SCAF1: variants seen among roughly 807,000 people sequenced by gnomAD.
The protein encoded by SCAF1 is SR-related CTD associated factor 1.
SCAF1 carries 28 observed loss-of-function variants against 91.2 expected under a neutral mutation model. The ratio of observed to expected loss-of-function variants is 0.31; its 90% CI spans 0.23 to 0.42. The LOEUF (loss-of-function observed/expected upper bound fraction) is 0.42, where lower values mean the gene tolerates loss of function less well. Ranked by LOEUF, SCAF1 falls within the 10% of genes least tolerant of loss-of-function variation. The probability of loss-of-function intolerance (pLI) is 1.00; values close to 1 mark genes in which losing one functional copy is unlikely to be tolerated. For synonymous variants in SCAF1, 1,036 were observed against 833.7 expected, an observed-to-expected ratio of 1.24 and a Z score of -4.18; for missense variants, 1,893 against 1,872.1, an observed-to-expected ratio of 1.01 and a Z score of -0.21.
intron 7 of SCAF1, 36 bp downstream of exon 7, chr19:49,653,741 G>C (rs752790082): frequency 1.4e-6 from 2 of 1,475,536 alleles, no homozygotes; most frequent in Non-Finnish European, 1.8e-6. Flanking sequence ...TGCTGGGGCA[G>C]GTGAGACAGG....
intron 1 of SCAF1, among the ~76,000 whole-genome samples, chr19:49,643,953 C>G (rs777370656): frequency 6.6e-6 from 1 of 151,928 alleles, no homozygotes; most frequent in Admixed American, 6.6e-5. Flanking sequence ...GTGGGGGAAG[C>G]GAGGAGACAG....
intron 9 of SCAF1, 76 bp downstream of exon 9, chr19:49,654,946 GC>G: frequency 8.3e-7 from 1 of 1,206,296 alleles, no homozygotes; most frequent in Non-Finnish European, 1.1e-6. Context: ...AGACGCGGGG[GC>G]CCAAGGAGAA....
rs551847022 is a variant in SCAF1 at position 49,658,566 on chromosome 19, C to A, written c.*167C>A. 92 of 615,150 alleles carry A rather than the reference C, an allele frequency of 1.5e-4. 1 individual carries two copies. In the South Asian group the frequency reaches 1.8e-3, roughly 12 times the overall value. 38.1% of individuals were successfully genotyped at this position (615,150 alleles called of 1,614,324 possible). On this transcript the variant is annotated 3_prime_UTR_variant, in exon 11 of 11. Transcript: ENST00000360565. ...TGCCCCGTGTCCACCTCCCTTGCCC[C>A]CAAGCCTGTCCCCAGTGCCCCTCCC...
chr19:49,654,269 C>A, intron 7 of SCAF1, 80 bp from the exon 8 acceptor site: 1 of 1,190,306 alleles, frequency 8.4e-7, no homozygotes. Flanking sequence ...GAGATGACAG[C>A]AGGTGTCCAG....
rs1333654729 is a variant in SCAF1 at position 49,654,764 on chromosome 19, C to A, written c.3512C>A (p.Pro1171His). The change falls in exon 9 of 11, where the codon CCT (proline) becomes CAT (histidine). Residue 1171 changes from proline to histidine, a missense_variant. By Grantham distance (77) the Pro-to-His change is moderately conservative. Around this residue, in one of 5 missense-constraint regions of SCAF1, gnomAD observed 1,436 missense variants for 1,306.8 expected, o/e 1.10. Coordinates refer to ENST00000360565, the MANE Select transcript of SCAF1 (RefSeq NM_021228.3). ...AGCTACCTGCTTCCTGGCAGCCTCC[C>A]TCTGGGGGGCTGCGGTTCGACCCCC... ...PSSYLLPGSL[P>H]LGGCGSTPPT... The A allele has an allele frequency of 1.9e-6, 3 of 1,613,666 alleles. No individual in the cohort carries two copies. Among genetic ancestry groups the A allele is most frequent in the Admixed American group, 1.7e-5 (1 of 60,014 alleles).
In SCAF1 at chr19:49,651,019, ACC is replaced by A; in HGVS notation, c.634_635del (p.Pro212ThrfsTer17). 1 of 95,926 alleles carries A rather than the reference ACC, an allele frequency of 1.0e-5. No individual in the cohort carries two copies. Among genetic ancestry groups the A allele is most frequent in the Non-Finnish European group, 1.8e-5 (1 of 54,060 alleles). The allele number at this position is 95,926 out of a possible 1,614,324, so 5.9% of individuals were successfully genotyped here. A position where few individuals can be genotyped will look rare whatever the true frequency, so the allele number is the denominator to read the frequency against. ...PSSSSPSPPP[P>X]PPPPAPPAPP... ...CATCTTCCTCCCCTTCCCCTCCCCC[ACC>A]CCCACCGCCCCCTGCACCCCCAGCC... On this transcript the variant is annotated frameshift_variant, in exon 7 of 11. Transcript: ENST00000360565. LOFTEE classifies it high-confidence loss of function.
chr19:49,655,358 T>C (rs1269347777), intron 9 of SCAF1, among the ~76,000 whole-genome samples: 6 of 152,050 alleles, frequency 3.9e-5, no homozygotes, highest in Non-Finnish European at 8.8e-5. Context: ...CAGGTCTAGA[T>C]GTGGGTTTTT....
Position 49,652,396 on chromosome 19 carries a change from C to G in SCAF1, c.2007C>G (p.Pro669=), listed in dbSNP as rs771946286. ...AGGCCCCGGCGCCCGCCCCGCCGCC[C>G]TCTGGCTCCACCTCGTGTGGTGACC... ...SEKAPAPAPP[P]SGSTSCGDRD... The change falls in exon 7 of 11, where the codon CCC becomes CCG. Residue 669 remains proline (P), a synonymous_variant. Transcript: ENST00000360565. The G allele has an allele frequency of 1.3e-6, 2 of 1,581,938 alleles. No homozygotes were observed. Among genetic ancestry groups the G allele is most frequent in the African/African-American group, 2.7e-5 (2 of 74,238 alleles).
intron 9 of SCAF1, among the ~76,000 whole-genome samples, chr19:49,657,408 C>T (rs1435000636): frequency 6.6e-6 from 1 of 152,240 alleles, no homozygotes. Flanking sequence ...AGCCCCGCCT[C>T]TAGAGTCTGA....
At chr19:49,653,790 G>T in intron 7 of SCAF1, 85 bp downstream of exon 7, 2 of 1,310,782 alleles carry the variant, frequency 1.5e-6, no homozygotes, top group Non-Finnish European at 1.0e-6. Context: ...GCAGTGGGGT[G>T]CCCTGGCAGG....
intron 9 of SCAF1, among the ~76,000 whole-genome samples, chr19:49,656,606 C>T (rs548696625): frequency 6.6e-5 from 10 of 152,172 alleles, no homozygotes; most frequent in Non-Finnish European, 1.0e-4. Flanking sequence ...TGCCTGAGGC[C>T]AGGGCTGCAG....
In SCAF1 at chr19:49,646,297, G is replaced by A; in HGVS notation, c.261+95G>A. 2.7e-6 allele frequency: 3 copies of A among 1,102,468 alleles called. No homozygotes were observed. In the South Asian group the frequency reaches 4.3e-5, roughly 16 times the overall value. 68.3% of individuals were successfully genotyped at this position (1,102,468 alleles called of 1,614,324 possible). A position where few individuals can be genotyped will look rare whatever the true frequency, so the allele number is the denominator to read the frequency against. ...TGGGGGAATGGGGTTTGGGGACCTG[G>A]ACTCCTGGCTCTGCGATGCTGACCA... is the stretch of plus-strand genomic sequence containing the variant. On this transcript the variant is annotated intron_variant, in intron 4 of 10. Transcript: ENST00000360565. This position sits in a 1 kb window ranked among gnomAD's most constrained non-coding sequence, Gnocchi z 5.6.
At position 49,657,880 on chromosome 19, in the gene SCAF1, C is replaced by G; in HGVS notation, c.3738C>G (p.Ala1246=). ...AGTACAAGGACATCCTGAGGAAGGC[C>G]GTCCACAAGGTGGGCACCCGGAGAG... ...KEEYKDILRK[A]VHKICHSKSG... The change falls in exon 10 of 11, where the codon GCC becomes GCG. Residue 1246 remains alanine, a synonymous_variant. Coordinates refer to ENST00000360565, the MANE Select transcript of SCAF1 (RefSeq NM_021228.3). 1 of 1,611,200 alleles carries G rather than the reference C, an allele frequency of 6.2e-7. No homozygotes were observed. Among genetic ancestry groups the G allele is most frequent in the Non-Finnish European group, 8.5e-7 (1 of 1,178,684 alleles).
Position 49,642,883 on chromosome 19 carries a change from T to G in SCAF1, c.-7+641T>G, listed in dbSNP as rs1455604748. On this transcript the variant is annotated intron_variant, in intron 1 of 10. Coordinates refer to ENST00000360565, the MANE Select transcript of SCAF1 (RefSeq NM_021228.3). This position sits in a 1 kb window ranked among gnomAD's most constrained non-coding sequence, Gnocchi z 4.0. ...CAGGGAAGGGCGCCAAATATTGAGATGTACTGAGGGTCTGGGGTCTCCAAG... is the reference window on the plus strand; with the variant it reads ...CAGGGAAGGGCGCCAAATATTGAGAGGTACTGAGGGTCTGGGGTCTCCAAG... Among the ~76,000 whole-genome samples, 1 of 152,122 alleles carries G rather than the reference T, an allele frequency of 6.6e-6. No individual in the cohort carries two copies. The highest frequency in any genetic ancestry group is 2.4e-5 in the African/African-American group (1 of 41,418).
Position 49,657,753 on chromosome 19 carries a change from C to G in SCAF1, c.3619-8C>G, listed in dbSNP as rs1213102302. 6.3e-7 allele frequency: 1 copy of G among 1,596,550 alleles called. No homozygotes were observed. Among genetic ancestry groups the G allele is most frequent in the Admixed American group, 1.7e-5 (1 of 57,262 alleles). On this transcript the variant is annotated splice_region_variant and splice_polypyrimidine_tract_variant and intron_variant, in intron 9 of 10. Coordinates refer to ENST00000360565, the MANE Select transcript of SCAF1 (RefSeq NM_021228.3). Reference sequence around the variant, plus strand: ...CTGTGTCTTCCCCCGCTGTCGCCACCCCACCAGTATCTGAAGAAGCTGCAC... The same window carrying G: ...CTGTGTCTTCCCCCGCTGTCGCCACGCCACCAGTATCTGAAGAAGCTGCAC...
Position 49,658,227 on chromosome 19 carries a change from G to A in SCAF1, c.3767G>A (p.Gly1256Glu). ...CCCCAGATCTGCCACAGCAAAAGTG[G>A]GGAAATCAACCCAGTGAAGGTGAGC... is the stretch of plus-strand genomic sequence containing the variant. ...AVHKICHSKSGEINPVKVSNL... is the reference protein window; with the variant it reads ...AVHKICHSKSEEINPVKVSNL... Residue 1256 changes from glycine to glutamate, a missense_variant, in exon 11 of 11, where the codon GGG (glycine) becomes GAG (glutamate). By Grantham distance (98) the Gly-to-Glu change is moderately conservative (BLOSUM62 -2). Around this residue, in one of 5 missense-constraint regions of SCAF1, gnomAD observed 56 missense variants for 106.3 expected, o/e 0.53. Coordinates refer to ENST00000360565, the MANE Select transcript of SCAF1 (RefSeq NM_021228.3). 1 of 1,612,828 alleles carries A rather than the reference G, an allele frequency of 6.2e-7. No individual in the cohort carries two copies. The highest frequency in any genetic ancestry group is 8.5e-7 in the Non-Finnish European group (1 of 1,179,258).
At position 49,653,599 on chromosome 19, in the gene SCAF1, G is replaced by A. The variant is rs766938002; in HGVS notation, c.3210G>A (p.Ala1070=). The A allele has an allele frequency of 1.5e-5, 24 of 1,583,060 alleles. No individual in the cohort carries two copies. The highest frequency in any genetic ancestry group is 3.4e-5 in the South Asian group (3 of 87,618). The stretch of plus-strand genomic sequence containing the variant: ...GGTCCACAGCCGGTGACTCGGGGGC[G>A]GAGGACGGGCCAGCTTCCCGTGTCT... The part of the protein sequence containing the change: ...SAGSTAGDSG[A]EDGPASRVSQ... Residue 1070 remains alanine, a synonymous_variant, in exon 7 of 11, where the codon GCG becomes GCA. Transcript: ENST00000360565.
chr19:49,654,295 T>C, intron 7 of SCAF1, 54 bp from the exon 8 acceptor site: 13 of 1,503,268 alleles, frequency 8.6e-6, no homozygotes, highest in Non-Finnish European at 1.1e-5. Context: ...GTTCACCAGC[T>C]CCTGTCCTGT....
rs761187169 is a variant in SCAF1, at chr19:49,646,853, T to C, written c.478+23T>C. 6.3e-7 allele frequency: 1 copy of C among 1,579,356 alleles called. No individual in the cohort carries two copies. The highest frequency in any genetic ancestry group is 8.6e-7 in the Non-Finnish European group (1 of 1,158,644). On this transcript the variant is annotated intron_variant, in intron 6 of 10. Coordinates refer to ENST00000360565, the MANE Select transcript of SCAF1 (RefSeq NM_021228.3). The surrounding 1 kb of genome is among the most constrained non-coding windows in gnomAD (Gnocchi z 5.6). ...CGGGTATGTGGGGCCAGGGCGGAGC[T>C]GGGCAGGTGGTCGTGGAGTTGTGTG...
Sources: gnomAD v4.1 joint callset for allele counts (sites outside exome capture counted in the v4.1 genomes callset) on GRCh38, gnomAD v4.1.1 for gene constraint, gnomAD v4.1.1 regional missense constraint, Gnocchi (gnomAD v3.1) non-coding constraint, MANE v1.5 for transcripts, NCBI Gene and HGNC (gene_info 2026-07-23, HGNC 2026-07-21) for gene names.